Variants in FGD4 observed in about 807,000 individuals in gnomAD.
FGD4 encodes FYVE, RhoGEF and PH domain-containing protein 4.
A neutral mutation model predicts 102.0 loss-of-function variants in FGD4; 42 were observed. The ratio of observed to expected loss-of-function variants is 0.41; its 90% CI spans 0.32 to 0.53. The LOEUF (loss-of-function observed/expected upper bound fraction) is 0.53. Among genes scored for constraint, FGD4 ranks in the 20% least tolerant of loss-of-function variants. The probability of loss-of-function intolerance (pLI) is 0.21; values close to 1 mark genes in which losing one functional copy is unlikely to be tolerated. For missense variants in FGD4, 902 were observed against 1,078.2 expected (o/e 0.84, Z 2.29); for synonymous variants, 380 against 375.7 (o/e 1.01, Z -0.13).
intron 1 of FGD4, among the ~76,000 whole-genome samples, chr12:32,434,428 A>T (rs1942158959): frequency 6.6e-6 from 1 of 152,228 alleles, no homozygotes; most frequent in Admixed American, 6.5e-5. Context: ...CAGCTAGAAT[A>T]TTGAAAATAG....
At chr12:32,563,622 C>T (rs1370257360) in intron 1 of FGD4, among the ~76,000 whole-genome samples, 1 of 152,188 alleles carries the variant, frequency 6.6e-6, no homozygotes, top group Non-Finnish European at 1.5e-5. Context: ...AGGCTGCAAT[C>T]TCGGCACTTT....
At chr12:32,433,859 A>AT (rs775407770) in intron 1 of FGD4, among the ~76,000 whole-genome samples, 121 of 150,946 alleles carry the variant, frequency 8.0e-4, no homozygotes, top group South Asian at 6.7e-3. Context: ...TTATTTATTT[A>AT]TTATTATTAT....
At chr12:32,583,970 A>T (rs1296112730) in intron 4 of FGD4, among the ~76,000 whole-genome samples, 1 of 152,242 alleles carries the variant, frequency 6.6e-6, no homozygotes, top group Non-Finnish European at 1.5e-5. Flanking sequence ...ACAAAGAAAA[A>T]TATTCTAATT....
intron 2 of FGD4, among the ~76,000 whole-genome samples, chr12:32,574,535 T>C (rs1355959870): frequency 6.6e-6 from 1 of 152,170 alleles, no homozygotes; most frequent in African/African-American, 2.4e-5. Flanking sequence ...GATAATACTA[T>C]GTTAATCACT....
chr12:32,645,550 T>C lies in FGD4; in HGVS notation c.*5017T>C, dbSNP rs1442693939. 1 of 152,140 alleles carries C rather than the reference T, an allele frequency of 6.6e-6. No individual in the cohort carries two copies. Among genetic ancestry groups the C allele is most frequent in the Non-Finnish European group, 1.5e-5 (1 of 68,088 alleles). The allele number at this position is 152,140 out of a possible 1,614,324, so 9.4% of individuals were successfully genotyped here. A position where few individuals can be genotyped will look rare whatever the true frequency, so the allele number is the denominator to read the frequency against. ...GCCCATGCCTGTAATCCCAGCACTT[T>C]GGGAGGCCGAGGAGTTCGAGACCAG... On this transcript the variant is annotated 3_prime_UTR_variant, in exon 17 of 17. Transcript: ENST00000534526.
At chr12:32,614,501 A>AT (rs1331304505) in intron 10 of FGD4, among the ~76,000 whole-genome samples, 2 of 152,218 alleles carry the variant, frequency 1.3e-5, no homozygotes, top group Non-Finnish European at 2.9e-5. Flanking sequence ...ACATCTGCTT[A>AT]TTATGAGATG....
intron 13 of FGD4, among the ~76,000 whole-genome samples, chr12:32,625,291 A>G (rs1033462795): frequency 1.5e-5 from 2 of 135,730 alleles, no homozygotes; most frequent in African/African-American, 5.7e-5. Context: ...TTTTTTTTTA[A>G]CAGAGTCTTG....
chr12:32,427,707 G>A (rs1188059515), intron 1 of FGD4, among the ~76,000 whole-genome samples: 1 of 152,152 alleles, frequency 6.6e-6, no homozygotes, highest in African/African-American at 2.4e-5. Context: ...AAGTCTCTTT[G>A]TAGGTCGCTA....
chr12:32,636,615 A>C (rs1313702646), intron 15 of FGD4, among the ~76,000 whole-genome samples: 1 of 151,948 alleles, frequency 6.6e-6, no homozygotes, highest in Non-Finnish European at 1.5e-5. Flanking sequence ...TGTAAAATAC[A>C]CTGTAATGCA....
At chr12:32,545,090 C>T (rs1034408232) in intron 1 of FGD4, among the ~76,000 whole-genome samples, 10 of 152,144 alleles carry the variant, frequency 6.6e-5, no homozygotes, top group Admixed American at 6.5e-5. Flanking sequence ...GTGGCTAACC[C>T]GTTCTGGTCT....
chr12:32,624,581 G>A (rs909578571), intron 12 of FGD4, 129 bp downstream of exon 12: 10 of 792,128 alleles, frequency 1.3e-5, no homozygotes, highest in Non-Finnish European at 2.1e-5. Flanking sequence ...AGCAAGCCTT[G>A]CATCTCAGCC....
At chr12:32,600,472 C>A in intron 5 of FGD4, 1 of 1,282,246 alleles carries the variant, frequency 7.8e-7, no homozygotes, top group African/African-American at 1.5e-5. Context: ...AGGAATAGAC[C>A]TCCTTCTGCC....
chr12:32,547,474 A>G (rs1943316562), intron 1 of FGD4, among the ~76,000 whole-genome samples: 1 of 151,964 alleles, frequency 6.6e-6, no homozygotes, highest in African/African-American at 2.4e-5. Flanking sequence ...CTAACCACTT[A>G]CCACCTCTTA....
chr12:32,645,192 A>G lies in FGD4; in HGVS notation c.*4659A>G, dbSNP rs1951345964. ...ACTAGTCTGTGGGGACCATTATAAG[A>G]GAATCACATTATATATTACACAGTA... On this transcript the variant is annotated 3_prime_UTR_variant, in exon 17 of 17. Transcript: ENST00000534526. 1 of 152,190 alleles carries G rather than the reference A, an allele frequency of 6.6e-6. No individual in the cohort carries two copies. Among genetic ancestry groups the G allele is most frequent in the African/African-American group, 2.4e-5 (1 of 41,446 alleles). 9.4% of individuals were successfully genotyped at this position (152,190 alleles called of 1,614,324 possible).
chr12:32,507,773 T>C (rs1445800314), intron 1 of FGD4, among the ~76,000 whole-genome samples: 3 of 152,208 alleles, frequency 2.0e-5, no homozygotes, highest in Admixed American at 2.0e-4. Context: ...CTTCCCCATT[T>C]GTTAGAACTT....
At chr12:32,481,818 CAAAA>C (rs35076375) in intron 1 of FGD4, among the ~76,000 whole-genome samples, 7 of 130,020 alleles carry the variant, frequency 5.4e-5, no homozygotes, top group Non-Finnish European at 4.9e-5. Context: ...AAGACTGTCT[CAAAA>C]AAAAAAAAAA....
chr12:32,514,641 A>G (rs1002708293), intron 1 of FGD4, among the ~76,000 whole-genome samples: 2 of 151,918 alleles, frequency 1.3e-5, no homozygotes, highest in Non-Finnish European at 2.9e-5. Flanking sequence ...CCTCCTGTGT[A>G]GCTGGGACTA....
At chr12:32,426,943 ATTCTTCTTTCTT>A (rs1029484013) in intron 1 of FGD4, among the ~76,000 whole-genome samples, 2 of 129,764 alleles carry the variant, frequency 1.5e-5, no homozygotes, top group Non-Finnish European at 3.2e-5. Flanking sequence ...TGTCTATCTG[ATTCTTCTTTCTT>A]TTCTTCTTTC....
chr12:32,589,686 G>A (rs1025530609), intron 4 of FGD4, among the ~76,000 whole-genome samples: 2 of 152,138 alleles, frequency 1.3e-5, no homozygotes, highest in African/African-American at 2.4e-5. Context: ...TCTTGTGCAA[G>A]TAACCAAACT....
Sources: allele counts gnomAD v4.1 joint callset (sites outside exome capture counted in the v4.1 genomes callset), GRCh38; gene constraint gnomAD v4.1.1; transcripts MANE v1.5; gene names NCBI Gene and HGNC (gene_info 2026-07-23, HGNC 2026-07-21).